The following ADAM2 variants were observed in gnomAD, a reference collection of about 807,000 sequenced individuals.
The protein encoded by ADAM2 is ADAM metallopeptidase domain 2.
In ADAM2, 101 loss-of-function variants were observed where a neutral mutation model predicts 99.3. That is an observed-to-expected ratio of 1.02 (90% CI 0.87 to 1.20). The LOEUF is 1.20. ADAM2 is among the 50% of genes most tolerant of loss of function. ADAM2 has a pLI of 0.00. For synonymous variants in ADAM2, 323 were observed against 287.6 expected (o/e 1.12, Z -1.25); for missense variants, 948 against 878.7 (o/e 1.08, Z -1.00).
At chr8:39,772,672 ATTTC>A (rs1802830051) in intron 11 of ADAM2, among the ~76,000 whole-genome samples, 1 of 152,022 alleles carries the variant, frequency 6.6e-6, no homozygotes, top group African/African-American at 2.4e-5. Context: ...CAATCAAGAT[ATTTC>A]TTTATCAACC....
In ADAM2 at chr8:39,824,836, G is replaced by A; in HGVS notation, c.250C>T (p.Leu84Phe). 6.4e-7 allele frequency: 1 copy of A among 1,571,486 alleles called. No homozygotes were observed. Among genetic ancestry groups the A allele is most frequent in the South Asian group, 1.1e-5 (1 of 87,436 alleles). ...AAACATACCTGAAAATCTTGGTCAAGTGGTTTCATAATTCCTGTGCCACTA... is the reference window on the plus strand; with the variant it reads ...AAACATACCTGAAAATCTTGGTCAAATGGTTTCATAATTCCTGTGCCACTA... ...SYSGTGIMKP[L>F]DQDFQNFCHY... Residue 84 changes from leucine to phenylalanine, a missense_variant, in exon 4 of 21, where the codon CTT (leucine) becomes TTT (phenylalanine). Leu to Phe is a conservative substitution (Grantham distance 22, BLOSUM62 0). Transcript: ENST00000265708.
At chr8:39,744,350 T>C (rs969402782) in intron 20 of ADAM2, among the ~76,000 whole-genome samples, 7 of 152,070 alleles carry the variant, frequency 4.6e-5, no homozygotes, top group Non-Finnish European at 8.8e-5. Flanking sequence ...TAGTCTCCAA[T>C]TTATTTTTAT....
At chr8:39,752,675 A>C (rs887044012) in intron 16 of ADAM2, among the ~76,000 whole-genome samples, 1 of 152,186 alleles carries the variant, frequency 6.6e-6, no homozygotes, top group Non-Finnish European at 1.5e-5. Context: ...AGCTCCCACA[A>C]TAACGACAGT....
At chr8:39,814,369 A>AC (rs1036273882) in intron 6 of ADAM2, among the ~76,000 whole-genome samples, 6 of 152,026 alleles carry the variant, frequency 3.9e-5, no homozygotes, top group Admixed American at 2.6e-4. Context: ...AGAAAAAAAA[A>AC]AAAAATCCAC....
At position 39,762,568 on chromosome 8, in the gene ADAM2, T is replaced by G. The variant is rs114094533; in HGVS notation, c.1508-1287A>C. 3.6e-3 allele frequency among the ~76,000 whole-genome samples: 551 copies of G among 152,348 alleles called. 3 individuals are homozygous for G. The highest frequency in any genetic ancestry group is 0.013 in the African/African-American group (538 of 41,574). ...TCTAGGCATTGCTCTGTAGGTATTT[T>G]GTAGGTGTAATGAAGTCTACAATAA... On this transcript the variant is annotated intron_variant, in intron 14 of 20. Coordinates refer to ENST00000265708, the MANE Select transcript of ADAM2 (RefSeq NM_001464.5).
Position 39,830,681 on chromosome 8 carries a change from C to T in ADAM2, c.188+3263G>A, listed in dbSNP as rs190564539. The stretch of plus-strand genomic sequence containing the variant: ...CATTAGCATGAGAACACATTATTTA[C>T]GACAATAGTCGCAAGCATCAGAACA... On this transcript the variant is annotated intron_variant, in intron 3 of 20. Coordinates refer to ENST00000265708, the MANE Select transcript of ADAM2 (RefSeq NM_001464.5). Among the ~76,000 whole-genome samples, 306 of 151,968 alleles carry T rather than the reference C, an allele frequency of 2.0e-3. 2 individuals carry two copies. Among genetic ancestry groups the T allele is most frequent in the Non-Finnish European group, 3.8e-3 (257 of 67,974 alleles).
intron 3 of ADAM2, among the ~76,000 whole-genome samples, chr8:39,825,358 C>T (rs1359404578): frequency 6.6e-6 from 1 of 152,146 alleles, no homozygotes; most frequent in African/African-American, 2.4e-5. Flanking sequence ...TACCTTCTCA[C>T]ATTCTTTCTA....
chr8:39,791,781 T>A (rs1021519923), intron 7 of ADAM2, among the ~76,000 whole-genome samples: 2 of 152,028 alleles, frequency 1.3e-5, no homozygotes, highest in African/African-American at 4.8e-5. Flanking sequence ...TCACAGGGAT[T>A]TTGTTTCTCT....
Position 39,821,745 on chromosome 8 carries a change from T to A in ADAM2, c.268-83A>T, listed in dbSNP as rs994016994. On this transcript the variant is annotated intron_variant, in intron 4 of 20. Transcript: ENST00000265708. ...TCAAATATGTAAAACATATATGTGT[T>A]TTGTTTTTATGCATCAAACACTCAT... is the stretch of plus-strand genomic sequence containing the variant. 7.2e-5 allele frequency: 66 copies of A among 920,780 alleles called. 1 individual carries two copies. Among genetic ancestry groups the A allele is most frequent in the Non-Finnish European group, 1.1e-4 (65 of 587,744 alleles). The allele number at this position is 920,780 out of a possible 1,614,324, so 57.0% of individuals were successfully genotyped here.
At chr8:39,753,812 AAC>A (rs34323295) in intron 16 of ADAM2, among the ~76,000 whole-genome samples, 29 of 150,618 alleles carry the variant, frequency 1.9e-4, no homozygotes, top group East Asian at 9.8e-4. Flanking sequence ...AAAACAACAA[AAC>A]ACACACACAC....
rs779575093 is a variant in ADAM2, at chr8:39,824,821, GA to G, written c.264del (p.Gln89ArgfsTer18). ...AAAAGAGATCATAAAAAACATACCTGAAAATCTTGGTCAAGTGGTTTCATAA... is the reference window on the plus strand; with the variant it reads ...AAAAGAGATCATAAAAAACATACCTGAAATCTTGGTCAAGTGGTTTCATAA... ...TGIMKPLDQD[F>X]QNFCHYQGYI... On this transcript the variant is annotated frameshift_variant, in exon 4 of 21. Transcript: ENST00000265708. LOFTEE classifies it high-confidence loss of function. 2.0e-6 allele frequency: 3 copies of G among 1,533,646 alleles called. 1 individual carries two copies. In the South Asian group the frequency reaches 3.5e-5, roughly 18 times the overall value.
intron 18 of ADAM2, among the ~76,000 whole-genome samples, chr8:39,747,594 C>T (rs201973): frequency 0.022 from 3,283 of 152,204 alleles, 128 homozygotes; most frequent in African/African-American, 0.075. Context: ...AATTTTATTG[C>T]TCTAATCTCA....
intron 15 of ADAM2, among the ~76,000 whole-genome samples, chr8:39,758,709 A>G (rs766861079): frequency 1.3e-5 from 2 of 152,132 alleles, no homozygotes; most frequent in Non-Finnish European, 2.9e-5. Context: ...AAGAAGCTCA[A>G]TGCAACCTAC....
intron 15 of ADAM2, among the ~76,000 whole-genome samples, chr8:39,760,860 G>T (rs1483665694): frequency 8.4e-6 from 1 of 119,010 alleles, no homozygotes; most frequent in Non-Finnish European, 1.6e-5. Context: ...TCCAGCCTAG[G>T]CAACAGAGTG....
chr8:39,759,957 C>T (rs1802286351), intron 15 of ADAM2, among the ~76,000 whole-genome samples: 1 of 152,114 alleles, frequency 6.6e-6, no homozygotes, highest in Non-Finnish European at 1.5e-5. Context: ...ACCTCTGCCT[C>T]CCAGGTTCAA....
intron 19 of ADAM2, among the ~76,000 whole-genome samples, chr8:39,746,024 T>TAC (rs1303958084): frequency 1.3e-5 from 2 of 151,080 alleles, no homozygotes; most frequent in Non-Finnish European, 3.0e-5. Context: ...TGTGTATATA[T>TAC]ATATAATTTT....
chr8:39,824,399 A>T (rs1245308813), intron 4 of ADAM2, among the ~76,000 whole-genome samples: 1 of 152,160 alleles, frequency 6.6e-6, no homozygotes, highest in East Asian at 1.9e-4. Flanking sequence ...TGTTCCAAAT[A>T]GATGAAAATT....
intron 7 of ADAM2, among the ~76,000 whole-genome samples, chr8:39,799,811 T>A (rs1804126825): frequency 6.6e-6 from 1 of 152,214 alleles, no homozygotes; most frequent in Admixed American, 6.5e-5. Flanking sequence ...TCTTTTCTGA[T>A]CTTTGTTGGT....
intron 1 of ADAM2, 54 bp from the exon 2 acceptor site, chr8:39,837,266 G>A: frequency 7.9e-7 from 1 of 1,268,940 alleles, no homozygotes; most frequent in Non-Finnish European, 1.1e-6. Context: ...TTCAGAGCGT[G>A]TTTTATGAGT....
Sources: allele counts gnomAD v4.1 joint callset (sites outside exome capture counted in the v4.1 genomes callset), GRCh38; gene constraint gnomAD v4.1.1; transcripts MANE v1.5; gene names NCBI Gene and HGNC (gene_info 2026-07-23, HGNC 2026-07-21).